Variants in C8orf34 observed in about 807,000 individuals in gnomAD.
C8orf34 encodes chromosome 8 open reading frame 34, also known as uncharacterized protein C8orf34.
A neutral mutation model predicts 68.3 loss-of-function variants in C8orf34; 65 were observed. The observed-to-expected ratio is 0.95, with a 90% CI of 0.78 to 1.17. The LOEUF (loss-of-function observed/expected upper bound fraction) is 1.17, where lower values mean the gene tolerates loss of function less well. C8orf34 is among the 50% of genes most tolerant of loss of function. C8orf34 has a pLI of 0.00. For missense variants in C8orf34, 664 were observed against 655.4 expected (o/e 1.01, Z -0.14); for synonymous variants, 244 against 241.2 (o/e 1.01, Z -0.11).
chr8:68,460,265 C>A (rs1811745549), intron 3 of C8orf34, among the ~76,000 whole-genome samples: 1 of 152,212 alleles, frequency 6.6e-6, no homozygotes, highest in East Asian at 1.9e-4. Flanking sequence ...CCCAGGCTTG[C>A]TTAGGTAAAC....
rs528532501 is a variant in C8orf34, at chr8:68,754,116, AT to A, written c.1405-22282del. Among the ~76,000 whole-genome samples, 16 of 152,328 alleles carry A rather than the reference AT, an allele frequency of 1.1e-4. No individual in the cohort carries two copies. In the East Asian group the frequency reaches 3.1e-3, roughly 29 times the overall value. ...ACTGGAAAAAAAAATCACTTAAAAA[AT>A]AAAAAAGGGCCGGGAGCAATTTAGT... On this transcript the variant is annotated intron_variant, in intron 10 of 13. Transcript: ENST00000518698.
chr8:68,618,559 A>C (rs2130617015), intron 7 of C8orf34, among the ~76,000 whole-genome samples: 1 of 151,930 alleles, frequency 6.6e-6, no homozygotes, highest in African/African-American at 2.4e-5. Context: ...TATTTTGCTC[A>C]GGTGGTCTGA....
intron 1 of C8orf34, among the ~76,000 whole-genome samples, chr8:68,382,417 T>C (rs1808081878): frequency 6.6e-6 from 1 of 152,212 alleles, no homozygotes. Context: ...GTAAATTAAA[T>C]TAGAAATTCA....
At chr8:68,665,339 T>C (rs1025762087) in intron 8 of C8orf34, among the ~76,000 whole-genome samples, 2 of 152,228 alleles carry the variant, frequency 1.3e-5, no homozygotes, top group South Asian at 2.1e-4. Context: ...ATGTCTGTTT[T>C]GTTCACTGCT....
chr8:68,689,020 AAAG>A (rs1455308357), intron 8 of C8orf34, among the ~76,000 whole-genome samples: 1 of 152,054 alleles, frequency 6.6e-6, no homozygotes, highest in East Asian at 1.9e-4. Context: ...AAACAACAAA[AAAG>A]AAAATGTGGT....
At chr8:68,638,310 T>A (rs543501737) in intron 7 of C8orf34, among the ~76,000 whole-genome samples, 1 of 142,132 alleles carries the variant, frequency 7.0e-6, no homozygotes, top group Non-Finnish European at 1.5e-5. Flanking sequence ...GCTAGAACTT[T>A]TTTTTTTCTT....
chr8:68,468,704 T>A lies in C8orf34; in HGVS notation c.620T>A (p.Val207Glu), dbSNP rs535057811. 10 of 1,612,546 alleles carry A rather than the reference T, an allele frequency of 6.2e-6. No homozygotes were observed. Among genetic ancestry groups the A allele is most frequent in the Non-Finnish European group, 8.5e-6 (10 of 1,179,110 alleles). The change falls in exon 4 of 14, where the codon GTA (valine) becomes GAA (glutamate). Residue 207 changes from valine (V) to glutamate (E), a missense_variant. Transcript: ENST00000518698. ...SPDSKSLPRS[V>E]EHPKWNWRTK... Reference sequence around the variant, plus strand: ...TTTTTAAACATAGTGCCAAGGTCAGTAGAGCATCCAAAGTGGAACTGGAGG... The same window carrying A: ...TTTTTAAACATAGTGCCAAGGTCAGAAGAGCATCCAAAGTGGAACTGGAGG...
intron 9 of C8orf34, 142 bp downstream of exon 9, chr8:68,709,221 T>A (rs565012096): frequency 1.5e-6 from 1 of 655,378 alleles, no homozygotes; most frequent in South Asian, 1.9e-5. Context: ...GCTGGCACAC[T>A]CCTTGGGGCT....
At position 68,330,967 on chromosome 8, in the gene C8orf34, G is replaced by T; in HGVS notation, c.-46G>T. On this transcript the variant is annotated 5_prime_UTR_variant, in exon 1 of 14. Coordinates refer to ENST00000518698, the MANE Select transcript of C8orf34 (RefSeq NM_052958.4). ...CTCGAATTTCCCCACTGCGCCGGGC[G>T]CTGCGGAGAGCGGCGAGGGTGGGCG... 1 of 1,324,564 alleles carries T rather than the reference G, an allele frequency of 7.5e-7. No individual in the cohort carries two copies. The highest frequency in any genetic ancestry group is 1.7e-5 in the South Asian group (1 of 57,828). 82.1% of individuals were successfully genotyped at this position (1,324,564 alleles called of 1,614,324 possible). A position where few individuals can be genotyped will look rare whatever the true frequency, so the allele number is the denominator to read the frequency against.
At chr8:68,372,050 A>G (rs1313844572) in intron 1 of C8orf34, among the ~76,000 whole-genome samples, 2 of 152,214 alleles carry the variant, frequency 1.3e-5, no homozygotes, top group African/African-American at 4.8e-5. Flanking sequence ...TGCATGTCAC[A>G]TAATTGTTAG....
intron 1 of C8orf34, among the ~76,000 whole-genome samples, chr8:68,339,034 A>G (rs1163320972): frequency 6.6e-6 from 1 of 152,074 alleles, no homozygotes; most frequent in Non-Finnish European, 1.5e-5. Context: ...GTCTGTCCAA[A>G]TATGTTGCCC....
At chr8:68,418,794 C>G (rs1368917096) in intron 1 of C8orf34, among the ~76,000 whole-genome samples, 1 of 152,092 alleles carries the variant, frequency 6.6e-6, no homozygotes, top group Non-Finnish European at 1.5e-5. Context: ...AAAGTTGAAA[C>G]TGGATCCCTT....
intron 7 of C8orf34, among the ~76,000 whole-genome samples, chr8:68,580,369 C>T (rs953677330): frequency 2.0e-5 from 3 of 152,000 alleles, no homozygotes; most frequent in Non-Finnish European, 4.4e-5. Context: ...ACCTAAAATG[C>T]TTATTTAATG....
chr8:68,758,777 T>C (rs1273910312), intron 10 of C8orf34, among the ~76,000 whole-genome samples: 1 of 151,570 alleles, frequency 6.6e-6, no homozygotes, highest in Non-Finnish European at 1.5e-5. Flanking sequence ...ATGATTCTTA[T>C]AGGCATATCC....
chr8:68,624,393 C>A (rs1818475727), intron 7 of C8orf34, among the ~76,000 whole-genome samples: 1 of 151,990 alleles, frequency 6.6e-6, no homozygotes. Flanking sequence ...AACAAAAACA[C>A]TAGTTTGAGA....
At chr8:68,533,974 T>C in intron 7 of C8orf34, 2 of 859,406 alleles carry the variant, frequency 2.3e-6, no homozygotes, top group Non-Finnish European at 2.8e-6. Flanking sequence ...GAATAAATAA[T>C]ATAATTATTT....
At chr8:68,608,744 G>A (rs1817927923) in intron 7 of C8orf34, among the ~76,000 whole-genome samples, 1 of 152,024 alleles carries the variant, frequency 6.6e-6, no homozygotes, top group South Asian at 2.1e-4. Context: ...TCAAAGATAG[G>A]TCTGATGGGG....
chr8:68,404,964 G>A (rs1809127885), intron 1 of C8orf34, among the ~76,000 whole-genome samples: 1 of 152,148 alleles, frequency 6.6e-6, no homozygotes, highest in East Asian at 1.9e-4. Flanking sequence ...GGGCAGTATG[G>A]CCATTTTCAC....
intron 8 of C8orf34, among the ~76,000 whole-genome samples, chr8:68,687,254 T>C (rs1292330797): frequency 1.3e-5 from 2 of 151,790 alleles, no homozygotes; most frequent in Non-Finnish European, 2.9e-5. Context: ...AGAACTAGAA[T>C]AAAAAATCCT....
Sources: gnomAD v4.1 joint callset for allele counts (sites outside exome capture counted in the v4.1 genomes callset) on GRCh38, gnomAD v4.1.1 for gene constraint, MANE v1.5 for transcripts, NCBI Gene and HGNC (gene_info 2026-07-23, HGNC 2026-07-21) for gene names.